The following NEB variants were observed in gnomAD, a reference collection of about 807,000 sequenced individuals.
NEB encodes the protein nemaline myopathy type 2.
Under a neutral mutation model 952.2 loss-of-function variants are expected in NEB, and 512 were observed. The observed-to-expected ratio is 0.54, with a 90% CI of 0.50 to 0.58. The LOEUF (loss-of-function observed/expected upper bound fraction) is 0.58. Among genes scored for constraint, NEB ranks in the 20% least tolerant of loss-of-function variants. The pLI, the probability that NEB is intolerant of heterozygous loss-of-function variation, is 0.00. For synonymous variants in NEB, 2,900 were observed against 3,149.8 expected, an observed-to-expected ratio of 0.92 and a Z score of 2.66; for missense variants, 8,428 against 9,231.1, an observed-to-expected ratio of 0.91 and a Z score of 3.56.
chr2:151,688,853 A>G (rs1319183754), intron 24 of NEB, among the ~76,000 whole-genome samples: 2 of 152,182 alleles, frequency 1.3e-5, no homozygotes, highest in African/African-American at 4.8e-5. Flanking sequence ...AGAAGGGACA[A>G]AGGGGGATGG....
At chr2:151,659,407 C>T (rs531536677) in intron 46 of NEB, among the ~76,000 whole-genome samples, 57 of 152,072 alleles carry the variant, frequency 3.7e-4, no homozygotes, top group Non-Finnish European at 7.2e-4. Context: ...AACAATCCAT[C>T]CTCCCACCTC....
intron 13 of NEB, among the ~76,000 whole-genome samples, chr2:151,701,809 A>G (rs1340726085): frequency 6.7e-6 from 1 of 150,104 alleles, no homozygotes; most frequent in African/African-American, 2.5e-5. Context: ...ATCCTTTCAA[A>G]AAACCAGCTC....
At chr2:151,722,177 T>C (rs921430912) in intron 9 of NEB, among the ~76,000 whole-genome samples, 2 of 152,180 alleles carry the variant, frequency 1.3e-5, no homozygotes, top group Admixed American at 6.5e-5. Context: ...TAACTGACAA[T>C]TGAATGTCAA....
At chr2:151,545,789 C>G in intron 135 of NEB, 99 bp downstream of exon 135, 2 of 693,956 alleles carry the variant, frequency 2.9e-6, no homozygotes, top group Non-Finnish European at 4.8e-6. Context: ...GCCGCAGTTG[C>G]CTGAACAGCG....
chr2:151,518,320 T>C lies in NEB; in HGVS notation c.22798A>G (p.Ile7600Val). ...AAAATCGGTCTTGATCCACTTACTATACTCTGTAATTCTGTGGCCTCTTTT... is the reference window on the plus strand; with the variant it reads ...AAAATCGGTCTTGATCCACTTACTACACTCTGTAATTCTGTGGCCTCTTTT... ...HLKEATELQS[I>V]VKYKEKYEKE... Residue 7600 changes from isoleucine to valine, a missense_variant and splice_region_variant, in exon 156 of 182, where the codon ATA (isoleucine) becomes GTA (valine). By Grantham distance (29) the Ile-to-Val change is conservative. Around this residue, in one of 11 missense-constraint regions of NEB, gnomAD observed 3,374 missense variants for 3,651.5 expected, o/e 0.92. Transcript: ENST00000397345. The C allele has an allele frequency of 6.3e-7, 1 of 1,594,466 alleles. No individual in the cohort carries two copies. The highest frequency in any genetic ancestry group is 8.6e-7 in the Non-Finnish European group (1 of 1,162,138).
chr2:151,531,733 C>T, intron 144 of NEB, 59 bp downstream of exon 144: 6 of 1,298,016 alleles, frequency 4.6e-6, no homozygotes, highest in Admixed American at 1.9e-5. Flanking sequence ...TAAAATGCCC[C>T]TCCATGTTTG....
intron 6 of NEB, among the ~76,000 whole-genome samples, chr2:151,725,209 C>T (rs1002306470): frequency 2.6e-5 from 4 of 152,226 alleles, no homozygotes; most frequent in African/African-American, 7.2e-5. Context: ...TGGAGAACCA[C>T]AGTGAGTTGG....
chr2:151,689,537 C>CTTTATTTAAATTT (rs1177487871), intron 24 of NEB: 1 of 152,048 alleles, frequency 6.6e-6, no homozygotes, highest in African/African-American at 2.4e-5. Flanking sequence ...AAACACAGAA[C>CTTTATTTAAATTT]TTTATTTAAA....
chr2:151,625,396 T>A lies in NEB; in HGVS notation c.10452+138A>T, dbSNP rs1022859620. 8.1e-6 allele frequency: 4 copies of A among 491,042 alleles called. No individual in the cohort carries two copies. In the Admixed American group the frequency reaches 1.0e-4, roughly 12 times the overall value. 30.4% of individuals were successfully genotyped at this position (491,042 alleles called of 1,614,324 possible). Reference sequence around the variant, plus strand: ...CTATTTTTTAATACAATAATATGTATATTCAAGGTAGGGTAAATGGCATAA... The same window carrying A: ...CTATTTTTTAATACAATAATATGTAAATTCAAGGTAGGGTAAATGGCATAA... On this transcript the variant is annotated intron_variant, in intron 71 of 181. Transcript: ENST00000397345.
At chr2:151,679,017 A>G (rs1305513274) in intron 32 of NEB, among the ~76,000 whole-genome samples, 1 of 152,184 alleles carries the variant, frequency 6.6e-6, no homozygotes, top group Non-Finnish European at 1.5e-5. Context: ...TGGGTCATAC[A>G]GAGCAGCAAG....
At chr2:151,636,959 T>C (rs1465174186) in intron 63 of NEB, among the ~76,000 whole-genome samples, 2 of 152,178 alleles carry the variant, frequency 1.3e-5, no homozygotes, top group Non-Finnish European at 2.9e-5. Flanking sequence ...CTGAAACTCA[T>C]AGTTCTAGCA....
chr2:151,525,948 GATCACTTAC>G lies in NEB; in HGVS notation c.22161+1_22161+9del. 1.2e-6 allele frequency: 2 copies of G among 1,606,028 alleles called. No homozygotes were observed. Among genetic ancestry groups the G allele is most frequent in the Non-Finnish European group, 1.7e-6 (2 of 1,172,642 alleles). ...TGTTGCTGCCAAGAGACCGGTGGTT[GATCACTTAC>G]ATCACTGACATGCTTGGTCACTTCC... On this transcript the variant is annotated splice_donor_variant and splice_donor_5th_base_variant and intron_variant, in intron 150 of 181. Coordinates refer to ENST00000397345, the MANE Select transcript of NEB (RefSeq NM_001164508.2). LOFTEE classifies it high-confidence loss of function.
At chr2:151,667,451 T>A (rs1333616111) in intron 40 of NEB, among the ~76,000 whole-genome samples, 1 of 152,080 alleles carries the variant, frequency 6.6e-6, no homozygotes, top group Non-Finnish European at 1.5e-5. Context: ...TAATTGGCAA[T>A]TAGGATTTTA....
At chr2:151,733,216 T>A (rs1364990067) in intron 2 of NEB, 31 bp from the exon 3 acceptor site, 6 of 1,391,926 alleles carry the variant, frequency 4.3e-6, no homozygotes, top group Non-Finnish European at 6.0e-6. Flanking sequence ...TGAAAACATA[T>A]TAGAGTCTAT....
At chr2:151,635,429 A>G (rs1245868422) in intron 64 of NEB, among the ~76,000 whole-genome samples, 1 of 152,112 alleles carries the variant, frequency 6.6e-6, no homozygotes, top group Non-Finnish European at 1.5e-5. Context: ...AGCTATTGCT[A>G]AGAGTGTGAC....
intron 168 of NEB, 36 bp downstream of exon 168, chr2:151,501,355 T>G (rs1559275003): frequency 1.5e-6 from 2 of 1,321,624 alleles, no homozygotes; most frequent in Admixed American, 4.0e-5. Context: ...AATTATTATT[T>G]TTTAATATGG....
rs2098895429 is a variant in NEB, at chr2:151,642,754, A to G, written c.8265+11T>C. The G allele has an allele frequency of 1.2e-6, 2 of 1,605,240 alleles. No individual in the cohort carries two copies. Among genetic ancestry groups the G allele is most frequent in the Middle Eastern group, 1.7e-4 (1 of 6,046 alleles). Reference sequence around the variant, plus strand: ...GGAAAATGTATCACGCACTATGAATATATTACTTACCTCACTGTAATTTAC... The same window carrying G: ...GGAAAATGTATCACGCACTATGAATGTATTACTTACCTCACTGTAATTTAC... On this transcript the variant is annotated intron_variant, in intron 59 of 181. Transcript: ENST00000397345.
rs1350787538 is a variant in NEB, at chr2:151,531,886, C to T, written c.21428G>A (p.Arg7143Lys). Residue 7143 changes from arginine to lysine, a missense_variant, in exon 144 of 182, where the codon AGG becomes AAG. By Grantham distance (26) the Arg-to-Lys change is conservative. Around this residue, in one of 11 missense-constraint regions of NEB, gnomAD observed 3,374 missense variants for 3,651.5 expected, o/e 0.92. Transcript: ENST00000397345. ...NSHMWSQIKY[R>K]KNYEKSKDKF... ...GTCCTTTGATTTTTCATAGTTTTTC[C>T]TGTATTTGATCTAAATTGTGGAAGA... The T allele has an allele frequency of 1.3e-6, 2 of 1,568,040 alleles. No homozygotes were observed. Among genetic ancestry groups the T allele is most frequent in the Non-Finnish European group, 1.7e-6 (2 of 1,155,276 alleles).
chr2:151,530,056 T>A (rs1576424813), intron 145 of NEB, among the ~76,000 whole-genome samples: 2 of 152,338 alleles, frequency 1.3e-5, no homozygotes, highest in South Asian at 4.1e-4. Context: ...TAATTTTTTT[T>A]AATCTGCCTA....
Sources: allele counts gnomAD v4.1 joint callset (sites outside exome capture counted in the v4.1 genomes callset), GRCh38; gene constraint gnomAD v4.1.1; regional missense constraint gnomAD v4.1.1; transcripts MANE v1.5; gene names NCBI Gene and HGNC (gene_info 2026-07-23, HGNC 2026-07-21).